Variants in PPP1R10 observed in about 807,000 individuals in gnomAD.
The protein encoded by PPP1R10 is serine/threonine-protein phosphatase 1 regulatory subunit 10.
In PPP1R10, 15 loss-of-function variants were observed where a neutral mutation model predicts 99.0. The observed-to-expected ratio is 0.15, with a 90% CI of 0.10 to 0.23. The LOEUF (loss-of-function observed/expected upper bound fraction) is 0.23. Among genes scored for constraint, PPP1R10 ranks in the 10% least tolerant of loss-of-function variants. PPP1R10 has a pLI of 1.00. For missense variants in PPP1R10, 947 were observed against 1,259.4 expected (o/e 0.75, Z 3.75); for synonymous variants, 430 against 449.5 (o/e 0.96, Z 0.55).
At chr6:30,610,197 G>T (rs1287705216) in intron 2 of PPP1R10, among the ~76,000 whole-genome samples, 8 of 152,198 alleles carry the variant, frequency 5.3e-5, no homozygotes, top group Non-Finnish European at 1.2e-4. Flanking sequence ...TTCGATTGGA[G>T]GAGTAGGGCA....
chr6:30,606,724 C>T lies in PPP1R10; in HGVS notation c.460+55G>A. 1 of 1,608,872 alleles carries T rather than the reference C, an allele frequency of 6.2e-7. No individual in the cohort carries two copies. Among genetic ancestry groups the T allele is most frequent in the Non-Finnish European group, 8.5e-7 (1 of 1,175,268 alleles). ...GAAGCAGACTGGGAGCACCTAAAGG[C>T]CACATCCCAATAGGAAAGAAATAAA... On this transcript the variant is annotated intron_variant, in intron 7 of 19. Transcript: ENST00000376511. The surrounding 1 kb of genome is among the most constrained non-coding windows in gnomAD (Gnocchi z 6.3).
chr6:30,606,450 G>A lies in PPP1R10; in HGVS notation c.634+18C>T, dbSNP rs752046204. On this transcript the variant is annotated intron_variant, in intron 8 of 19. Transcript: ENST00000376511. The surrounding 1 kb of genome is among the most constrained non-coding windows in gnomAD (Gnocchi z 6.3). ...GCACATGCCCATGAACCCTCCAGAG[G>A]CCAGCCGCCAGTCTTACCAGTGGAA... 6.2e-7 allele frequency: 1 copy of A among 1,611,950 alleles called. No homozygotes were observed. The highest frequency in any genetic ancestry group is 8.5e-7 in the Non-Finnish European group (1 of 1,179,700).
intron 14 of PPP1R10, 41 bp from the exon 15 acceptor site, chr6:30,603,884 TCAAGTTATTAA>T: frequency 6.6e-7 from 1 of 1,522,596 alleles, no homozygotes. Context: ...AGAATGATAG[TCAAGTTATTAA>T]TTCAGACCCT....
chr6:30,603,928 C>T, intron 14 of PPP1R10, 80 bp downstream of exon 14: 2 of 1,522,264 alleles, frequency 1.3e-6, no homozygotes, highest in Admixed American at 2.2e-5. Context: ...TAACCTCCAC[C>T]CCGTAATTAC....
Position 30,609,235 on chromosome 6 carries a change from G to T in PPP1R10, c.108-72C>A. On this transcript the variant is annotated intron_variant, in intron 3 of 19. Transcript: ENST00000376511. This position sits in a 1 kb window ranked among gnomAD's most constrained non-coding sequence, Gnocchi z 4.5. ...TCTCTTAGCAAAAGCGCCTCTCTGT[G>T]AACTGCCTAGAGATTCCTAATGACT... The T allele has an allele frequency of 7.2e-7, 1 of 1,391,000 alleles. No individual in the cohort carries two copies. The highest frequency in any genetic ancestry group is 1.0e-6 in the Non-Finnish European group (1 of 984,776). The allele number at this position is 1,391,000 out of a possible 1,614,324, so 86.2% of individuals were successfully genotyped here. A position where few individuals can be genotyped will look rare whatever the true frequency, so the allele number is the denominator to read the frequency against.
rs1489906756 is a variant in PPP1R10 at position 30,602,689 on chromosome 6, G to T, written c.1960C>A (p.Pro654Thr). ...ACTGGCCCACCAGGGCCTCCATGGG[G>T]ACCTGTAAGGGGACAAAAAAGAGAG... ...PPGPGGPMPG[P>T]HGGPGGPVGP... is the part of the protein sequence containing the mutation. Residue 654 changes from proline to threonine, a missense_variant and splice_region_variant, in exon 19 of 20, where the codon CCC (proline) becomes ACC (threonine). Around this residue, in one of 10 missense-constraint regions of PPP1R10, gnomAD observed 525 missense variants for 578.8 expected, o/e 0.91. Coordinates refer to ENST00000376511, the MANE Select transcript of PPP1R10 (RefSeq NM_002714.4). This position sits in a 1 kb window ranked among gnomAD's most constrained non-coding sequence, Gnocchi z 6.7. The T allele has an allele frequency of 1.2e-6, 2 of 1,604,358 alleles. No individual in the cohort carries two copies. The highest frequency in any genetic ancestry group is 1.7e-6 in the Non-Finnish European group (2 of 1,177,128).
At chr6:30,603,367 A>G in intron 16 of PPP1R10, 82 bp from the exon 17 acceptor site, 1 of 1,576,302 alleles carries the variant, frequency 6.3e-7, no homozygotes. Context: ...ATTAGGGGTA[A>G]GTGGGTAGAT....
In PPP1R10 at chr6:30,606,654, A is replaced by T. The variant is rs199976112; in HGVS notation, c.461-13T>A. 1.6e-5 allele frequency: 26 copies of T among 1,613,958 alleles called. No homozygotes were observed. The highest frequency in any genetic ancestry group is 2.1e-5 in the Non-Finnish European group (25 of 1,179,974). On this transcript the variant is annotated splice_polypyrimidine_tract_variant and intron_variant, in intron 7 of 19. Coordinates refer to ENST00000376511, the MANE Select transcript of PPP1R10 (RefSeq NM_002714.4). This position sits in a 1 kb window ranked among gnomAD's most constrained non-coding sequence, Gnocchi z 6.3. ...TTCTTATCTTTCTCTGTTGTGAAAA[A>T]ACAAAGCAGAAAAGGATTTTATTTA...
rs1426718568 is a variant in PPP1R10 at position 30,602,001 on chromosome 6, T to C, written c.2648A>G (p.His883Arg). 3 of 1,521,522 alleles carry C rather than the reference T, an allele frequency of 2.0e-6. No homozygotes were observed. Among genetic ancestry groups the C allele is most frequent in the South Asian group, 1.3e-5 (1 of 76,386 alleles). 94.3% of individuals were successfully genotyped at this position (1,521,522 alleles called of 1,614,324 possible). The change falls in exon 19 of 20, where the codon CAT becomes CGT. Residue 883 changes from histidine (H) to arginine (R), a missense_variant. By Grantham distance (29) the His-to-Arg change is conservative. Around this residue, in one of 10 missense-constraint regions of PPP1R10, gnomAD observed 525 missense variants for 578.8 expected, o/e 0.91. Coordinates refer to ENST00000376511, the MANE Select transcript of PPP1R10 (RefSeq NM_002714.4). This position sits in a 1 kb window ranked among gnomAD's most constrained non-coding sequence, Gnocchi z 6.7. ...RGPPPHEHRGHDGPGHGGGGH... is the reference protein window; with the variant it reads ...RGPPPHEHRGRDGPGHGGGGH... ...CCCTCCCCCGTGGCCAGGACCATCA[T>C]GGCCACGGTGCTCATGAGGTGGCGG...
chr6:30,601,537 G>T lies in PPP1R10; in HGVS notation c.*12C>A. ...CCACAGGGGTTGTGTGAACAGGGCAGGCAAATGGTCCCTAGGGCAGGGGGG... is the reference window on the plus strand; with the variant it reads ...CCACAGGGGTTGTGTGAACAGGGCATGCAAATGGTCCCTAGGGCAGGGGGG... On this transcript the variant is annotated 3_prime_UTR_variant, in exon 20 of 20. Coordinates refer to ENST00000376511, the MANE Select transcript of PPP1R10 (RefSeq NM_002714.4). 4.3e-6 allele frequency: 7 copies of T among 1,611,096 alleles called. No individual in the cohort carries two copies. Among genetic ancestry groups the T allele is most frequent in the Non-Finnish European group, 5.9e-6 (7 of 1,177,338 alleles).
rs1372073768 is a variant in PPP1R10 at position 30,606,553 on chromosome 6, C to A, written c.549G>T (p.Arg183=). 11 of 1,614,016 alleles carry A rather than the reference C, an allele frequency of 6.8e-6. No homozygotes were observed. In the South Asian group the frequency reaches 1.1e-4, roughly 16 times the overall value. Residue 183 remains arginine (R), a synonymous_variant, in exon 8 of 20, where the codon CGG becomes CGT. Coordinates refer to ENST00000376511, the MANE Select transcript of PPP1R10 (RefSeq NM_002714.4). The surrounding 1 kb of genome is among the most constrained non-coding windows in gnomAD (Gnocchi z 6.3). ...TCTTCTTCTCTGGGGCCTCCTCAGCCCGGGTCTCAGCCTTCACCTCTGTCA... is the reference window on the plus strand; with the variant it reads ...TCTTCTTCTCTGGGGCCTCCTCAGCACGGGTCTCAGCCTTCACCTCTGTCA... ...RPLTEVKAET[R]AEEAPEKKRE... is the part of the protein sequence containing the mutation.
chr6:30,614,878 G>C (rs1208090383), intron 2 of PPP1R10, among the ~76,000 whole-genome samples: 1 of 152,204 alleles, frequency 6.6e-6, no homozygotes, highest in Non-Finnish European at 1.5e-5. Flanking sequence ...GGACAGCCTT[G>C]ATACTTAATT....
chr6:30,615,229 TAAAAAAAAAAA>T (rs5875265), intron 2 of PPP1R10, among the ~76,000 whole-genome samples: 9 of 109,760 alleles, frequency 8.2e-5, no homozygotes, highest in African/African-American at 2.9e-4. Context: ...ACCTTTTTAG[TAAAAAAAAAAA>T]AAAAAAAAAT....
At position 30,606,583 on chromosome 6, in the gene PPP1R10, T is replaced by C; in HGVS notation, c.519A>G (p.Arg173=). The part of the protein sequence containing the change: ...EGKSRTTLPE[R]PLTEVKAETR... ...TCTCAGCCTTCACCTCTGTCAAAGGTCGCTCAGGAAGGGTAGTTCGACTTT... is the reference window on the plus strand; with the variant it reads ...TCTCAGCCTTCACCTCTGTCAAAGGCCGCTCAGGAAGGGTAGTTCGACTTT... Residue 173 remains arginine, a synonymous_variant, in exon 8 of 20, where the codon CGA becomes CGG. Coordinates refer to ENST00000376511, the MANE Select transcript of PPP1R10 (RefSeq NM_002714.4). This position sits in a 1 kb window ranked among gnomAD's most constrained non-coding sequence, Gnocchi z 6.3. The C allele has an allele frequency of 1.9e-6, 3 of 1,614,200 alleles. No individual in the cohort carries two copies. Among genetic ancestry groups the C allele is most frequent in the Non-Finnish European group, 2.5e-6 (3 of 1,180,046 alleles).
intron 2 of PPP1R10, among the ~76,000 whole-genome samples, chr6:30,616,024 T>C (rs1167447327): frequency 1.3e-5 from 2 of 152,196 alleles, no homozygotes; most frequent in East Asian, 3.8e-4. Context: ...TCTGGCAAAT[T>C]GAAAGGCACC....
chr6:30,603,031 A>G (rs1561830768), intron 17 of PPP1R10, 72 bp from the exon 18 acceptor site: 1 of 1,422,742 alleles, frequency 7.0e-7, no homozygotes, highest in Non-Finnish European at 9.5e-7. Flanking sequence ...TTTAGGTGCA[A>G]CCAACTGACC....
In PPP1R10 at chr6:30,601,501, G is replaced by A. The variant is rs368317640; in HGVS notation, c.*48C>T. ...GAAGCCATAACAGGGTGGAAAGAGC[G>A]AGGCTGCAGTCCACAGGGGTTGTGT... On this transcript the variant is annotated 3_prime_UTR_variant, in exon 20 of 20. Coordinates refer to ENST00000376511, the MANE Select transcript of PPP1R10 (RefSeq NM_002714.4). The A allele has an allele frequency of 2.0e-5, 30 of 1,497,842 alleles. No homozygotes were observed. Among genetic ancestry groups the A allele is most frequent in the South Asian group, 1.5e-4 (13 of 88,152 alleles). The allele number at this position is 1,497,842 out of a possible 1,614,324, so 92.8% of individuals were successfully genotyped here.
chr6:30,615,121 A>T (rs2127453776), intron 2 of PPP1R10, among the ~76,000 whole-genome samples: 1 of 152,222 alleles, frequency 6.6e-6, no homozygotes, highest in Non-Finnish European at 1.5e-5. Flanking sequence ...GGGGAGAAAA[A>T]CAACAAAGAC....
chr6:30,601,340 C>T lies in PPP1R10; in HGVS notation c.*209G>A. The T allele has an allele frequency of 1.7e-6, 1 of 575,726 alleles. No homozygotes were observed. Among genetic ancestry groups the T allele is most frequent in the Non-Finnish European group, 3.1e-6 (1 of 323,842 alleles). The allele number at this position is 575,726 out of a possible 1,614,324, so 35.7% of individuals were successfully genotyped here. On this transcript the variant is annotated 3_prime_UTR_variant, in exon 20 of 20. Coordinates refer to ENST00000376511, the MANE Select transcript of PPP1R10 (RefSeq NM_002714.4). ...AGCAGTCCAGGAACGTTTCCAGTCTCTCTCCTCCCCAGACTGGAGGAAAAT... is the reference window on the plus strand; with the variant it reads ...AGCAGTCCAGGAACGTTTCCAGTCTTTCTCCTCCCCAGACTGGAGGAAAAT...
Sources: allele counts gnomAD v4.1 joint callset (sites outside exome capture counted in the v4.1 genomes callset), GRCh38; gene constraint gnomAD v4.1.1; regional missense constraint gnomAD v4.1.1; non-coding constraint Gnocchi (gnomAD v3.1); transcripts MANE v1.5; gene names NCBI Gene and HGNC (gene_info 2026-07-23, HGNC 2026-07-21).